Variants in PDSS2 observed in about 807,000 individuals in gnomAD.
The protein encoded by PDSS2 is decaprenyl diphosphate synthase subunit 2, also known as all trans-polyprenyl-diphosphate synthase PDSS2.
A neutral mutation model predicts 44.5 loss-of-function variants in PDSS2; 31 were observed. The observed-to-expected ratio is 0.70, with a 90% CI of 0.52 to 0.94. PDSS2 has a LOEUF of 0.94. Among genes scored for constraint, PDSS2 ranks in the 40% least tolerant of loss-of-function variants. PDSS2 has a pLI of 0.00. For missense variants in PDSS2, 452 were observed against 482.2 expected (o/e 0.94, Z 0.59); for synonymous variants, 157 against 180.3 (o/e 0.87, Z 1.03).
At chr6:107,390,130 C>T (rs1380155699) in intron 1 of PDSS2, among the ~76,000 whole-genome samples, 1 of 152,036 alleles carries the variant, frequency 6.6e-6, no homozygotes, top group Non-Finnish European at 1.5e-5. Flanking sequence ...TTAATTTACA[C>T]AGATACCCTC....
chr6:107,361,218 T>G (rs1778763430), intron 1 of PDSS2, among the ~76,000 whole-genome samples: 1 of 152,196 alleles, frequency 6.6e-6, no homozygotes, highest in Non-Finnish European at 1.5e-5. Context: ...ACTAATAAAT[T>G]CAGGTTCTTG....
chr6:107,268,026 G>A (rs1431143808), intron 3 of PDSS2, among the ~76,000 whole-genome samples: 1 of 152,160 alleles, frequency 6.6e-6, no homozygotes, highest in African/African-American at 2.4e-5. Context: ...TACCTCATGA[G>A]TATATGTGCT....
chr6:107,245,360 T>C (rs1323423900), intron 4 of PDSS2, among the ~76,000 whole-genome samples, 188 bp downstream of exon 4: 1 of 141,194 alleles, frequency 7.1e-6, no homozygotes, highest in East Asian at 2.1e-4. Flanking sequence ...TTGTTTTAAT[T>C]GGCTAAATCT....
At chr6:107,388,212 G>A in intron 1 of PDSS2, among the ~76,000 whole-genome samples, 1 of 152,046 alleles carries the variant, frequency 6.6e-6, no homozygotes, top group East Asian at 1.9e-4. Flanking sequence ...TCCAGCCCAG[G>A]ACACTACTGA....
At chr6:107,261,663 C>T (rs1775232745) in intron 3 of PDSS2, among the ~76,000 whole-genome samples, 1 of 149,696 alleles carries the variant, frequency 6.7e-6, no homozygotes, top group African/African-American at 2.5e-5. Flanking sequence ...ACTGCAACCT[C>T]CGCTTTTGGG....
intron 2 of PDSS2, among the ~76,000 whole-genome samples, chr6:107,282,695 C>A (rs1776004835): frequency 6.6e-6 from 1 of 151,348 alleles, no homozygotes; most frequent in Non-Finnish European, 1.5e-5. Context: ...GAAACCCCGA[C>A]TCTACTAAAA....
intron 1 of PDSS2, among the ~76,000 whole-genome samples, chr6:107,417,667 G>C (rs1780703382): frequency 6.6e-6 from 1 of 152,100 alleles, no homozygotes; most frequent in South Asian, 2.1e-4. Flanking sequence ...GCTGAAGCAG[G>C]AGAATCGCTT....
chr6:107,154,850 G>A (rs1770827361), intron 7 of PDSS2, 73 bp from the exon 8 acceptor site: 3 of 1,329,172 alleles, frequency 2.3e-6, no homozygotes, highest in Non-Finnish European at 3.2e-6. Context: ...AAATTGGGGA[G>A]GGGAGATGGA....
chr6:107,252,927 T>C (rs2114839422), intron 3 of PDSS2, among the ~76,000 whole-genome samples: 1 of 152,366 alleles, frequency 6.6e-6, no homozygotes, highest in African/African-American at 2.4e-5. Flanking sequence ...TGCCTGGTAC[T>C]GTACTAATGA....
At position 107,211,602 on chromosome 6, in the gene PDSS2, T is replaced by A. The variant is rs954112885; in HGVS notation, c.876+507A>T. The stretch of plus-strand genomic sequence containing the variant: ...AAAATTAGCCAGGCGTGGTGGCATG[T>A]GCCTGTAATCCCAGCTACTCAGGAG... On this transcript the variant is annotated intron_variant, in intron 5 of 7. Coordinates refer to ENST00000369037, the MANE Select transcript of PDSS2 (RefSeq NM_020381.4). Among the ~76,000 whole-genome samples the A allele has an allele frequency of 2.0e-5, 3 of 151,882 alleles. No homozygotes were observed. The South Asian group carries it at 6.2e-4, about 32-fold the overall frequency.
At chr6:107,186,425 T>C (rs1772166643) in intron 7 of PDSS2, among the ~76,000 whole-genome samples, 1 of 152,122 alleles carries the variant, frequency 6.6e-6, no homozygotes, top group South Asian at 2.1e-4. Context: ...ACCGACAAAA[T>C]TGAGTGATGG....
chr6:107,250,168 A>G (rs1002570915), intron 3 of PDSS2, among the ~76,000 whole-genome samples: 1 of 144,222 alleles, frequency 6.9e-6, no homozygotes, highest in African/African-American at 2.8e-5. Flanking sequence ...GGATGGTAAG[A>G]CAAAAATACT....
intron 3 of PDSS2, among the ~76,000 whole-genome samples, chr6:107,267,985 A>G (rs1775466563): frequency 6.6e-6 from 1 of 152,168 alleles, no homozygotes; most frequent in Admixed American, 6.5e-5. Flanking sequence ...TAAAGGTACC[A>G]TACTACTTTC....
intron 3 of PDSS2, among the ~76,000 whole-genome samples, chr6:107,260,259 C>T (rs1775169816): frequency 6.6e-6 from 1 of 152,184 alleles, no homozygotes; most frequent in Non-Finnish European, 1.5e-5. Context: ...GAAAAGGGCT[C>T]TTCCCAATCA....
chr6:107,224,971 G>A (rs527340813), intron 4 of PDSS2, among the ~76,000 whole-genome samples: 27 of 149,178 alleles, frequency 1.8e-4, no homozygotes, highest in Admixed American at 1.3e-3. Flanking sequence ...TGAAGGGGCT[G>A]AAGAATCTGC....
chr6:107,447,696 C>G (rs762944704), intron 1 of PDSS2, among the ~76,000 whole-genome samples: 36 of 152,290 alleles, frequency 2.4e-4, no homozygotes, highest in Admixed American at 4.6e-4. Flanking sequence ...GCAAGCTGTA[C>G]GTGGATCTAC....
intron 4 of PDSS2, among the ~76,000 whole-genome samples, chr6:107,233,868 T>G (rs991003647): frequency 1.3e-5 from 2 of 151,812 alleles, no homozygotes; most frequent in African/African-American, 4.8e-5. Context: ...GAGAAACAAT[T>G]AATCTAGAAT....
intron 1 of PDSS2, among the ~76,000 whole-genome samples, chr6:107,441,779 T>C (rs999030544): frequency 2.6e-5 from 4 of 152,136 alleles, no homozygotes; most frequent in African/African-American, 9.7e-5. Context: ...GGAAATTCTT[T>C]TCCCTTATTC....
intron 1 of PDSS2, among the ~76,000 whole-genome samples, chr6:107,417,820 T>C (rs1388640813): frequency 2.7e-5 from 4 of 150,454 alleles, no homozygotes; most frequent in Admixed American, 6.6e-5. Flanking sequence ...CACACATATA[T>C]ACACCTATCA....
Sources: allele counts gnomAD v4.1 joint callset (sites outside exome capture counted in the v4.1 genomes callset), GRCh38; gene constraint gnomAD v4.1.1; transcripts MANE v1.5; gene names NCBI Gene and HGNC (gene_info 2026-07-23, HGNC 2026-07-21).